The following NUSAP1 variants were observed in gnomAD, a reference collection of about 807,000 sequenced individuals.
NUSAP1 encodes the protein nucleolar and spindle-associated protein 1.
NUSAP1 carries 32 observed loss-of-function variants against 52.8 expected under a neutral mutation model. The ratio of observed to expected loss-of-function variants is 0.61; its 90% CI spans 0.46 to 0.81. NUSAP1 has a LOEUF of 0.81. Among genes scored for constraint, NUSAP1 ranks in the 40% least tolerant of loss-of-function variants. NUSAP1 has a pLI of 0.00. For synonymous variants in NUSAP1, 195 were observed against 183.1 expected (o/e 1.06, Z -0.52); for missense variants, 499 against 522.3 (o/e 0.96, Z 0.43).
At chr15:41,374,804 C>T (rs1284540562) in intron 8 of NUSAP1, among the ~76,000 whole-genome samples, 1 of 151,802 alleles carries the variant, frequency 6.6e-6, no homozygotes, top group Non-Finnish European at 1.5e-5. Context: ...GGATTACAGT[C>T]GTGAGCCACT....
intron 7 of NUSAP1, among the ~76,000 whole-genome samples, chr15:41,369,161 T>G (rs912280046): frequency 2.0e-5 from 3 of 152,122 alleles, no homozygotes; most frequent in Non-Finnish European, 4.4e-5. Flanking sequence ...TCTTCCTGCC[T>G]TGGCCTCCCA....
rs2050161337 is a variant in NUSAP1 at position 41,380,343 on chromosome 15, T to A, written c.*157T>A. On this transcript the variant is annotated 3_prime_UTR_variant, in exon 11 of 11. Transcript: ENST00000559596. ...TCCATGGGTTCTTCATGTGCTATGA[T>A]CTCTGAAAAGACGTTATCACCTTAA... The A allele has an allele frequency of 5.7e-6, 3 of 527,592 alleles. No homozygotes were observed. Among genetic ancestry groups the A allele is most frequent in the Non-Finnish European group, 1.0e-5 (3 of 295,914 alleles). 32.7% of individuals were successfully genotyped at this position (527,592 alleles called of 1,614,324 possible).
intron 6 of NUSAP1, among the ~76,000 whole-genome samples, chr15:41,361,903 T>G (rs2049192087): frequency 6.6e-6 from 1 of 152,186 alleles, no homozygotes; most frequent in Non-Finnish European, 1.5e-5. Context: ...AAGTTGCTCC[T>G]GGCACATTTG....
At chr15:41,347,788 T>C (rs2140596625) in intron 2 of NUSAP1, among the ~76,000 whole-genome samples, 1 of 143,538 alleles carries the variant, frequency 7.0e-6, no homozygotes, top group African/African-American at 2.6e-5. Flanking sequence ...CACTCCAGCC[T>C]GGGCAACAGA....
At chr15:41,349,565 T>C (rs563929934) in intron 3 of NUSAP1, among the ~76,000 whole-genome samples, 6 of 152,242 alleles carry the variant, frequency 3.9e-5, no homozygotes, top group African/African-American at 1.2e-4. Context: ...TTGTTGTTTT[T>C]TCGTTTGTTT....
At chr15:41,379,735 C>CG (rs1428164465) in intron 10 of NUSAP1, among the ~76,000 whole-genome samples, 2 of 151,890 alleles carry the variant, frequency 1.3e-5, no homozygotes, top group Admixed American at 1.3e-4. Context: ...TTAGTAGAGA[C>CG]GGGGTTTCAC....
At chr15:41,345,466 TTC>T (rs1220893316) in intron 2 of NUSAP1, 1 of 423,300 alleles carries the variant, frequency 2.4e-6, no homozygotes, top group Admixed American at 2.9e-5. Context: ...ATTTTTTTCT[TTC>T]TTTTTTTTTT....
intron 2 of NUSAP1, among the ~76,000 whole-genome samples, chr15:41,346,229 C>G (rs1029360187): frequency 6.6e-6 from 1 of 152,094 alleles, no homozygotes; most frequent in Non-Finnish European, 1.5e-5. Context: ...GCGTGAGCCA[C>G]CACACCCAGC....
chr15:41,333,084 C>T (rs1376077927), intron 1 of NUSAP1, 34 bp downstream of exon 1: 1 of 1,545,886 alleles, frequency 6.5e-7, no homozygotes, highest in East Asian at 2.3e-5. Context: ...CCTGGGCGGG[C>T]GCGGCGGGAA....
chr15:41,345,011 C>CT (rs1222562920), intron 2 of NUSAP1, among the ~76,000 whole-genome samples: 2 of 151,938 alleles, frequency 1.3e-5, no homozygotes, highest in East Asian at 1.9e-4. Flanking sequence ...ATTTCTCTTA[C>CT]TTTTTTTTGA....
chr15:41,368,728 C>CTTTTTTT (rs57501156), intron 7 of NUSAP1, among the ~76,000 whole-genome samples: 22 of 77,912 alleles, frequency 2.8e-4, no homozygotes, highest in Middle Eastern at 0.01. Flanking sequence ...TTATTTTATT[C>CTTTTTTT]TTTTTTTTTT....
At chr15:41,345,371 C>T (rs376568973) in intron 2 of NUSAP1, 87 of 367,136 alleles carry the variant, frequency 2.4e-4, no homozygotes, top group African/African-American at 1.8e-3. Flanking sequence ...CATGTAAAAA[C>T]CCCTGCTCCT....
intron 4 of NUSAP1, among the ~76,000 whole-genome samples, chr15:41,352,870 A>G (rs1463934913): frequency 6.6e-6 from 1 of 152,016 alleles, no homozygotes; most frequent in Non-Finnish European, 1.5e-5. Context: ...ATTTTTTAAT[A>G]CAGGCCAGTT....
At chr15:41,378,857 T>C (rs1165702209) in intron 10 of NUSAP1, among the ~76,000 whole-genome samples, 1 of 147,450 alleles carries the variant, frequency 6.8e-6, no homozygotes, top group African/African-American at 2.5e-5. Flanking sequence ...CAGGATCTAC[T>C]GAGTTAGCCA....
At chr15:41,370,027 CCACTG>C (rs1173090831) in intron 7 of NUSAP1, among the ~76,000 whole-genome samples, 1 of 151,626 alleles carries the variant, frequency 6.6e-6, no homozygotes, top group East Asian at 1.9e-4. Flanking sequence ...CGAGATCACG[CCACTG>C]CACTGCAGCC....
intron 1 of NUSAP1, 91 bp from the exon 2 acceptor site, chr15:41,342,295 C>T: frequency 4.9e-6 from 4 of 819,452 alleles, no homozygotes; most frequent in South Asian, 1.5e-5. Context: ...GACCAGAGTA[C>T]ATTTAATGAA....
chr15:41,379,974 T>C (rs2050144309), intron 10 of NUSAP1, 119 bp from the exon 11 acceptor site: 1 of 680,746 alleles, frequency 1.5e-6, no homozygotes, highest in Admixed American at 2.8e-5. Context: ...AGAGTCTGTT[T>C]TACACAAGTA....
intron 1 of NUSAP1, among the ~76,000 whole-genome samples, chr15:41,335,498 ATATT>A (rs1173439278): frequency 1.4e-5 from 2 of 138,504 alleles, no homozygotes; most frequent in African/African-American, 2.6e-5. Context: ...ATTAGTATAT[ATATT>A]TAGTATAGAT....
chr15:41,375,435 C>T (rs547340481), intron 8 of NUSAP1, among the ~76,000 whole-genome samples: 1 of 152,204 alleles, frequency 6.6e-6, no homozygotes, highest in East Asian at 1.9e-4. Flanking sequence ...CTCGGCCTCT[C>T]AAAGTGCTGA....
Sources: gnomAD v4.1 joint callset for allele counts (sites outside exome capture counted in the v4.1 genomes callset) on GRCh38, gnomAD v4.1.1 for gene constraint, MANE v1.5 for transcripts, NCBI Gene and HGNC (gene_info 2026-07-23, HGNC 2026-07-21) for gene names.